Variants in VPS45 observed in about 807,000 individuals in gnomAD.
VPS45 encodes the protein vacuolar protein sorting 45 homolog.
In VPS45, 35 loss-of-function variants were observed where a neutral mutation model predicts 75.9. The observed-to-expected ratio is 0.46, with a 90% CI of 0.35 to 0.61. The LOEUF (loss-of-function observed/expected upper bound fraction) is 0.61. Among genes scored for constraint, VPS45 ranks in the 20% least tolerant of loss-of-function variants. The pLI is 0.00. For missense variants in VPS45, 559 were observed against 685.9 expected (o/e 0.81, Z 2.07); for synonymous variants, 220 against 238.2 (o/e 0.92, Z 0.70).
intron 14 of VPS45, among the ~76,000 whole-genome samples, chr1:150,133,931 T>C (rs1396662341): frequency 2.0e-5 from 3 of 152,216 alleles, no homozygotes; most frequent in African/African-American, 7.2e-5. Context: ...CTTTTCTTGC[T>C]GTTTCTTCTC....
chr1:150,101,809 G>A (rs932720874), intron 13 of VPS45, among the ~76,000 whole-genome samples: 1 of 152,050 alleles, frequency 6.6e-6, no homozygotes, highest in African/African-American at 2.4e-5. Flanking sequence ...TGCTGTTGGT[G>A]GGAGTGTAAA....
intron 13 of VPS45, among the ~76,000 whole-genome samples, chr1:150,107,804 G>A (rs1318035692): frequency 6.6e-6 from 1 of 152,202 alleles, no homozygotes; most frequent in African/African-American, 2.4e-5. Flanking sequence ...AGGAGGCTGA[G>A]GCAGGAGAAT....
In VPS45 at chr1:150,144,856, C is replaced by A. The variant is rs1553816224; in HGVS notation, c.*60C>A. 1.2e-6 allele frequency: 2 copies of A among 1,610,338 alleles called. No homozygotes were observed. Among genetic ancestry groups the A allele is most frequent in the East Asian group, 2.2e-5 (1 of 44,870 alleles). On this transcript the variant is annotated 3_prime_UTR_variant, in exon 15 of 15. Transcript: ENST00000644510. Reference sequence around the variant, plus strand: ...TTGTCCCCACTACAGGTTTTCCCTACTAAACAAAGGTGTTGGAGAGCAGCT... The same window carrying A: ...TTGTCCCCACTACAGGTTTTCCCTAATAAACAAAGGTGTTGGAGAGCAGCT...
chr1:150,081,532 A>G, intron 8 of VPS45, 56 bp downstream of exon 8: 1 of 1,562,892 alleles, frequency 6.4e-7, no homozygotes, highest in Non-Finnish European at 8.7e-7. Context: ...TAAGAAGATC[A>G]ATATTGGCTT....
chr1:150,126,235 G>T (rs1348899602), intron 14 of VPS45, among the ~76,000 whole-genome samples: 2 of 151,894 alleles, frequency 1.3e-5, no homozygotes, highest in Non-Finnish European at 2.9e-5. Context: ...TTTTGAGACA[G>T]AGCCTCACTC....
intron 8 of VPS45, 32 bp from the exon 9 acceptor site, chr1:150,081,852 A>C (rs781988321): frequency 1.5e-6 from 2 of 1,368,162 alleles, no homozygotes; most frequent in East Asian, 4.6e-5. Context: ...AGACTAGTTG[A>C]TGAAGTGTGC....
chr1:150,102,163 G>A (rs902268584), intron 13 of VPS45, among the ~76,000 whole-genome samples: 1 of 151,328 alleles, frequency 6.6e-6, no homozygotes, highest in Non-Finnish European at 1.5e-5. Context: ...ACTTGAACCC[G>A]GGAGGTGGAG....
At chr1:150,095,887 A>T (rs1321025144) in intron 13 of VPS45, among the ~76,000 whole-genome samples, 1 of 152,166 alleles carries the variant, frequency 6.6e-6, no homozygotes, top group Admixed American at 6.5e-5. Context: ...AGTAACATGA[A>T]CTTAATTGTG....
At chr1:150,139,786 A>C (rs1358516537) in intron 14 of VPS45, among the ~76,000 whole-genome samples, 2 of 152,188 alleles carry the variant, frequency 1.3e-5, no homozygotes, top group African/African-American at 4.8e-5. Flanking sequence ...CCTGGACTCA[A>C]GCAATAGGAT....
At position 150,081,874 on chromosome 1, in the gene VPS45, T is replaced by C; in HGVS notation, c.823-10T>C. The stretch of plus-strand genomic sequence containing the variant: ...TTGATGAAGTGTGCTTCCAACTTTC[T>C]TTTTCACAGAATATGTACCTGAACT... On this transcript the variant is annotated splice_polypyrimidine_tract_variant and intron_variant, in intron 8 of 14. Coordinates refer to ENST00000644510, the MANE Select transcript of VPS45 (RefSeq NM_007259.5). 6 of 1,569,454 alleles carry C rather than the reference T, an allele frequency of 3.8e-6. No homozygotes were observed. Among genetic ancestry groups the C allele is most frequent in the Non-Finnish European group, 4.3e-6 (5 of 1,150,170 alleles).
intron 14 of VPS45, among the ~76,000 whole-genome samples, chr1:150,137,303 GTCT>G (rs1427598843): frequency 2.0e-5 from 3 of 152,280 alleles, no homozygotes; most frequent in Admixed American, 6.5e-5. Flanking sequence ...TTAAGCTGGG[GTCT>G]TCTTTTAAAA....
intron 13 of VPS45, among the ~76,000 whole-genome samples, chr1:150,108,049 C>A (rs1553806275): frequency 6.6e-6 from 1 of 152,106 alleles, no homozygotes; most frequent in African/African-American, 2.4e-5. Context: ...TAGGATGAGT[C>A]CAAAGTTTTT....
intron 10 of VPS45, among the ~76,000 whole-genome samples, chr1:150,086,246 T>C (rs2101548641): frequency 6.6e-6 from 1 of 152,176 alleles, no homozygotes; most frequent in East Asian, 1.9e-4. Context: ...CTCAGTCCTT[T>C]TGTCTATAAA....
intron 2 of VPS45, among the ~76,000 whole-genome samples, chr1:150,070,395 G>A (rs1654987434): frequency 1.3e-5 from 2 of 151,988 alleles, no homozygotes; most frequent in Non-Finnish European, 2.9e-5. Flanking sequence ...ATGAAATTTT[G>A]GTTCAAGAGA....
chr1:150,104,101 C>CT (rs1246915544), intron 13 of VPS45, among the ~76,000 whole-genome samples: 3 of 152,104 alleles, frequency 2.0e-5, no homozygotes, highest in Non-Finnish European at 4.4e-5. Flanking sequence ...TTTCCGAACA[C>CT]TTTAACTGCC....
intron 9 of VPS45, among the ~76,000 whole-genome samples, chr1:150,082,241 T>C (rs892806616): frequency 6.6e-6 from 1 of 152,260 alleles, no homozygotes; most frequent in East Asian, 1.9e-4. Flanking sequence ...GAGCAGTGGC[T>C]CACGCCTGTA....
chr1:150,105,487 G>A (rs1480431026), intron 13 of VPS45, among the ~76,000 whole-genome samples: 2 of 152,104 alleles, frequency 1.3e-5, no homozygotes, highest in East Asian at 3.9e-4. Context: ...CATTCAAGCT[G>A]AGAATCAAAG....
At chr1:150,141,135 C>G (rs1443428320) in intron 14 of VPS45, among the ~76,000 whole-genome samples, 2 of 152,224 alleles carry the variant, frequency 1.3e-5, no homozygotes, top group African/African-American at 4.8e-5. Flanking sequence ...CTCCCATACT[C>G]CTAACTTCTC....
At chr1:150,139,386 T>C (rs1659266325) in intron 14 of VPS45, among the ~76,000 whole-genome samples, 1 of 152,216 alleles carries the variant, frequency 6.6e-6, no homozygotes. Flanking sequence ...TTGCACTTGC[T>C]CTTTCCCAGA....
Sources: gnomAD v4.1 joint callset for allele counts (sites outside exome capture counted in the v4.1 genomes callset) on GRCh38, gnomAD v4.1.1 for gene constraint, MANE v1.5 for transcripts, NCBI Gene and HGNC (gene_info 2026-07-23, HGNC 2026-07-21) for gene names.